Variants in FBXO7 observed in about 807,000 individuals in gnomAD.
FBXO7 encodes F-box protein 7, also known as F-box only protein 7.
Under a neutral mutation model 50.2 loss-of-function variants are expected in FBXO7, and 31 were observed. That is an observed-to-expected ratio of 0.62 (90% CI 0.46 to 0.83). The LOEUF (loss-of-function observed/expected upper bound fraction) is 0.83. Among genes scored for constraint, FBXO7 ranks in the 40% least tolerant of loss-of-function variants. The pLI, the probability that FBXO7 is intolerant of heterozygous loss-of-function variation, is 0.00. For missense variants in FBXO7, 667 were observed against 646.6 expected (o/e 1.03, Z -0.34); for synonymous variants, 256 against 253.1 (o/e 1.01, Z -0.11).
chr22:32,480,107 G>A (rs1212453511), intron 2 of FBXO7, among the ~76,000 whole-genome samples: 3 of 151,860 alleles, frequency 2.0e-5, no homozygotes, highest in East Asian at 3.9e-4. Flanking sequence ...TTTCCATTTC[G>A]GGTTCCATGG....
At chr22:32,483,870 A>G in intron 2 of FBXO7, 27 bp from the exon 3 acceptor site, 1 of 1,596,488 alleles carries the variant, frequency 6.3e-7, no homozygotes, top group Non-Finnish European at 8.6e-7. Context: ...TCTTTAATTA[A>G]TTCATTGTTT....
rs142404184 is a variant in FBXO7 at position 32,491,288 on chromosome 22, C to T, written c.967+107C>T. 6.2e-4 allele frequency: 488 copies of T among 784,772 alleles called. 2 individuals are homozygous for T. In the African/African-American group the frequency reaches 6.9e-3, roughly 11 times the overall value. The allele number at this position is 784,772 out of a possible 1,614,324, so 48.6% of individuals were successfully genotyped here. On this transcript the variant is annotated intron_variant, in intron 6 of 8. Transcript: ENST00000266087. ...TGACTGCCCTCTTTTCTGCTCCTGGCGAAATGTTCCTCTTCTAAGACTAAG... is the reference window on the plus strand; with the variant it reads ...TGACTGCCCTCTTTTCTGCTCCTGGTGAAATGTTCCTCTTCTAAGACTAAG...
At position 32,485,118 on chromosome 22, in the gene FBXO7, G is replaced by T. The variant is rs760711769; in HGVS notation, c.696G>T (p.Gly232=). 6.2e-7 allele frequency: 1 copy of T among 1,614,160 alleles called. No individual in the cohort carries two copies. The highest frequency in any genetic ancestry group is 8.5e-7 in the Non-Finnish European group (1 of 1,180,038). The part of the protein sequence containing the change: ...LSMPEKWKLS[G]VYKLQYMHPL... The stretch of plus-strand genomic sequence containing the variant: ...TGCCGGAGAAGTGGAAGTTGAGCGG[G>T]GTGTATAAGCTGCAGTACATGCATC... Residue 232 remains glycine (G), a synonymous_variant, in exon 4 of 9, where the codon GGG becomes GGT. Transcript: ENST00000266087.
intron 6 of FBXO7, chr22:32,492,863 A>G (rs1320203907): frequency 3.6e-6 from 2 of 553,278 alleles, no homozygotes; most frequent in Non-Finnish European, 6.4e-6. Context: ...ATTAAAAAGC[A>G]TTTGTCTTTC....
At chr22:32,476,778 T>C (rs2057431779) in intron 1 of FBXO7, among the ~76,000 whole-genome samples, 1 of 152,218 alleles carries the variant, frequency 6.6e-6, no homozygotes. Flanking sequence ...GAAATACTTC[T>C]AAGAAGGCTG....
intron 2 of FBXO7, among the ~76,000 whole-genome samples, chr22:32,483,687 A>G (rs1393023321): frequency 6.6e-6 from 1 of 152,184 alleles, no homozygotes; most frequent in Non-Finnish European, 1.5e-5. Context: ...GGTTCTTGAC[A>G]TACCAGCTAG....
chr22:32,495,383 TATGC>T, intron 7 of FBXO7, 106 bp from the exon 8 acceptor site: 2 of 657,990 alleles, frequency 3.0e-6, no homozygotes, highest in East Asian at 2.8e-5. Context: ...TTTTTTTTTT[TATGC>T]TTAACGGGTA....
At chr22:32,491,575 A>G (rs1212446980) in intron 6 of FBXO7, 1 of 144,080 alleles carries the variant, frequency 6.9e-6, no homozygotes, top group African/African-American at 2.8e-5. Context: ...ATTTAGATAT[A>G]TATGTCTATA....
intron 6 of FBXO7, chr22:32,492,112 T>C (rs1030200798): frequency 6.6e-6 from 1 of 152,164 alleles, no homozygotes; most frequent in Admixed American, 6.6e-5. Flanking sequence ...GATGGGGAAG[T>C]ATAATTATGC....
At chr22:32,497,092 T>G (rs892048588) in intron 8 of FBXO7, among the ~76,000 whole-genome samples, 5 of 152,352 alleles carry the variant, frequency 3.3e-5, no homozygotes, top group African/African-American at 1.2e-4. Flanking sequence ...TGCTGCAGTC[T>G]CACAGTCAAA....
At chr22:32,494,107 TAAAAAA>T (rs130725) in intron 7 of FBXO7, among the ~76,000 whole-genome samples, 3 of 120,862 alleles carry the variant, frequency 2.5e-5, no homozygotes, top group Admixed American at 1.7e-4. Context: ...ATAGCTCCCT[TAAAAAA>T]AAAAAAAAAA....
chr22:32,482,970 G>A (rs1038199420), intron 2 of FBXO7, among the ~76,000 whole-genome samples: 2 of 152,220 alleles, frequency 1.3e-5, no homozygotes, highest in African/African-American at 4.8e-5. Flanking sequence ...TTTTGAAGAA[G>A]TGGAAAATAC....
At chr22:32,495,386 G>C in intron 7 of FBXO7, 107 bp from the exon 8 acceptor site, 1 of 513,368 alleles carries the variant, frequency 1.9e-6, no homozygotes, top group Non-Finnish European at 3.5e-6. Context: ...TTTTTTTTAT[G>C]CTTAACGGGT....
chr22:32,496,356 C>T (rs189352969), intron 8 of FBXO7, among the ~76,000 whole-genome samples: 18 of 152,218 alleles, frequency 1.2e-4, no homozygotes, highest in Admixed American at 3.3e-4. Context: ...GTGGTGTGGA[C>T]CTGTAATCCC....
At chr22:32,482,027 A>C (rs200412637) in intron 2 of FBXO7, among the ~76,000 whole-genome samples, 1 of 152,244 alleles carries the variant, frequency 6.6e-6, no homozygotes, top group East Asian at 1.9e-4. Flanking sequence ...TCATGTACTC[A>C]GCCTAGGGTA....
intron 5 of FBXO7, chr22:32,488,124 T>C (rs1020417488): frequency 1.3e-5 from 4 of 304,316 alleles, no homozygotes; most frequent in Non-Finnish European, 2.5e-5. Flanking sequence ...ATAGTTTCTG[T>C]ACTAATCTTT....
Position 32,479,048 on chromosome 22 carries a change from G to A in FBXO7, c.190G>A (p.Ala64Thr). 1 of 1,614,172 alleles carries A rather than the reference G, an allele frequency of 6.2e-7. No homozygotes were observed. Among genetic ancestry groups the A allele is most frequent in the Non-Finnish European group, 8.5e-7 (1 of 1,179,998 alleles). The change falls in exon 2 of 9, where the codon GCT becomes ACT. Residue 64 changes from alanine to threonine, a missense_variant. By Grantham distance (58) the Ala-to-Thr change is moderately conservative. Coordinates refer to ENST00000266087, the MANE Select transcript of FBXO7 (RefSeq NM_012179.4). The part of the protein sequence containing the change: ...DPLTGDEETL[A>T]SYGIVSGDLI... ...CCTCACTGGAGATGAAGAGACCTTG[G>A]CTTCATATGGGATTGTTTCTGGGGA...
At chr22:32,486,891 C>A (rs2057502326) in intron 4 of FBXO7, among the ~76,000 whole-genome samples, 1 of 152,180 alleles carries the variant, frequency 6.6e-6, no homozygotes, top group Admixed American at 6.5e-5. Flanking sequence ...TCATAACTTG[C>A]AAGGTTGGAG....
At chr22:32,476,204 T>TA (rs892256528) in intron 1 of FBXO7, among the ~76,000 whole-genome samples, 44 of 148,272 alleles carry the variant, frequency 3.0e-4, no homozygotes, top group East Asian at 1.8e-3. Flanking sequence ...TCTTCCTGAT[T>TA]AAAAAAAAAA....
Sources: allele counts gnomAD v4.1 joint callset (sites outside exome capture counted in the v4.1 genomes callset), GRCh38; gene constraint gnomAD v4.1.1; transcripts MANE v1.5; gene names NCBI Gene and HGNC (gene_info 2026-07-23, HGNC 2026-07-21).